Variants in ERLIN2 observed in about 807,000 individuals in gnomAD.
The protein encoded by ERLIN2 is erlin-2.
In ERLIN2, 22 loss-of-function variants were observed where a neutral mutation model predicts 41.5. That is an observed-to-expected ratio of 0.53 (90% CI 0.38 to 0.76). ERLIN2 has a LOEUF of 0.76. Among genes scored for constraint, ERLIN2 ranks in the 30% least tolerant of loss-of-function variants. The pLI is 0.00. For missense variants in ERLIN2, 247 were observed against 414.3 expected (o/e 0.60, Z 3.51); for synonymous variants, 149 against 150.9 (o/e 0.99, Z 0.09).
In ERLIN2 at chr8:37,749,864, C is replaced by T. The variant is rs199658446; in HGVS notation, c.557+12C>T. On this transcript the variant is annotated intron_variant, in intron 8 of 11. Transcript: ENST00000519638. ...AACTACGAGTTGATGTGAGTATACC[C>T]TCCGCCTGGGCTGTGACCACCACTG... The T allele has an allele frequency of 3.1e-5, 50 of 1,613,196 alleles. No individual in the cohort carries two copies. Among genetic ancestry groups the T allele is most frequent in the Non-Finnish European group, 4.1e-5 (48 of 1,179,120 alleles).
At chr8:37,749,956 T>G in intron 8 of ERLIN2, 104 bp downstream of exon 8, 1 of 1,038,096 alleles carries the variant, frequency 9.6e-7, no homozygotes, top group South Asian at 1.3e-5. Flanking sequence ...GGTTATCCCC[T>G]TGCTGGAGGA....
intron 2 of ERLIN2, among the ~76,000 whole-genome samples, chr8:37,739,918 A>C (rs1029482407): frequency 7.9e-5 from 12 of 151,556 alleles, no homozygotes; most frequent in African/African-American, 2.9e-4. Flanking sequence ...CAATTCTTAC[A>C]TCTCAGCCTC....
rs150618282 is a variant in ERLIN2, at chr8:37,757,206, C to T, written c.*3091C>T. 9.8e-5 allele frequency: 15 copies of T among 152,298 alleles called. No homozygotes were observed. In the East Asian group the frequency reaches 2.5e-3, roughly 25 times the overall value. The allele number at this position is 152,298 out of a possible 1,614,324, so 9.4% of individuals were successfully genotyped here. A position where few individuals can be genotyped will look rare whatever the true frequency, so the allele number is the denominator to read the frequency against. The stretch of plus-strand genomic sequence containing the variant: ...AAATAGTGAAAGTAAGATGGTCATA[C>T]TTACTGACTTTATCTATTTAAGTTT... On this transcript the variant is annotated 3_prime_UTR_variant, in exon 12 of 12. Transcript: ENST00000519638.
chr8:37,736,656 G>A lies in ERLIN2; in HGVS notation c.-38G>A. On this transcript the variant is annotated 5_prime_UTR_variant, in exon 1 of 12. Transcript: ENST00000519638. The stretch of plus-strand genomic sequence containing the variant: ...CTTGCTCGTGGGCTCGGACGAGTAC[G>A]GAGCGCCTGCAGGGACAGCCTGGTA... 1 of 985,718 alleles carries A rather than the reference G, an allele frequency of 1.0e-6. No individual in the cohort carries two copies. The highest frequency in any genetic ancestry group is 1.2e-6 in the Non-Finnish European group (1 of 830,084). 61.1% of individuals were successfully genotyped at this position (985,718 alleles called of 1,614,324 possible).
intron 3 of ERLIN2, among the ~76,000 whole-genome samples, chr8:37,740,963 T>C (rs1011690232): frequency 1.3e-5 from 2 of 152,188 alleles, no homozygotes; most frequent in Admixed American, 1.3e-4. Context: ...GATTTTACAC[T>C]TTACACTGAC....
At chr8:37,746,135 G>T (rs1285149825) in intron 6 of ERLIN2, 1 of 992,512 alleles carries the variant, frequency 1.0e-6, no homozygotes, top group Non-Finnish European at 1.2e-6. Flanking sequence ...TTGCTAGCAA[G>T]CACTACTTGG....
intron 1 of ERLIN2, 158 bp from the exon 2 acceptor site, chr8:37,737,750 G>A: frequency 1.3e-6 from 1 of 762,582 alleles, no homozygotes. Context: ...GACTGAGAAC[G>A]AGGAGGAAGC....
At chr8:37,740,592 TAA>T (rs1491426874) in intron 3 of ERLIN2, 146 bp downstream of exon 3, 1 of 219,932 alleles carries the variant, frequency 4.5e-6, no homozygotes, top group African/African-American at 2.4e-5. Context: ...TATATATATA[TAA>T]TATATATATA....
chr8:37,748,083 C>CT (rs1803118579), intron 6 of ERLIN2: 1 of 1,112,434 alleles, frequency 9.0e-7, no homozygotes, highest in East Asian at 2.4e-5. Context: ...CGCCTTGCGC[C>CT]TTTTCCCTGC....
At chr8:37,744,234 A>G (rs1802955717) in intron 4 of ERLIN2, 121 bp from the exon 5 acceptor site, 1 of 891,562 alleles carries the variant, frequency 1.1e-6, no homozygotes, top group African/African-American at 1.6e-5. Flanking sequence ...CTGCCTTCCA[A>G]CTTCCCGTGA....
intron 6 of ERLIN2, chr8:37,747,589 G>T: frequency 6.2e-7 from 1 of 1,612,194 alleles, no homozygotes; most frequent in Non-Finnish European, 8.5e-7. Flanking sequence ...CACCTTCTTA[G>T]GAGGCTCTTG....
chr8:37,751,456 A>AGGGGACTGT (rs1485826523), intron 9 of ERLIN2, among the ~76,000 whole-genome samples, 170 bp from the exon 10 acceptor site: 1 of 152,230 alleles, frequency 6.6e-6, no homozygotes, highest in Admixed American at 6.5e-5. Context: ...CACTGATGGA[A>AGGGGACTGT]GGGGACTGTG....
intron 10 of ERLIN2, 103 bp from the exon 11 acceptor site, chr8:37,753,347 A>G (rs1803270773): frequency 1.1e-6 from 1 of 925,618 alleles, no homozygotes; most frequent in African/African-American, 1.6e-5. Context: ...ATCAGGGGCG[A>G]AGTTCCAGGG....
chr8:37,747,274 A>C, intron 6 of ERLIN2: 2 of 806,670 alleles, frequency 2.5e-6, no homozygotes, highest in Non-Finnish European at 4.5e-6. Flanking sequence ...GTAATCAAGA[A>C]GTTACTTTGT....
At chr8:37,737,760 C>T in intron 1 of ERLIN2, 148 bp from the exon 2 acceptor site, 1 of 827,520 alleles carries the variant, frequency 1.2e-6, no homozygotes, top group South Asian at 1.6e-5. Context: ...GAGGAGGAAG[C>T]GAGTTGTAGA....
chr8:37,737,678 G>A, intron 1 of ERLIN2: 1 of 526,512 alleles, frequency 1.9e-6, no homozygotes, highest in Admixed American at 3.2e-5. Context: ...GCTGTATCCG[G>A]AGCCAGTGCT....
chr8:37,750,363 A>G (rs1563316716), intron 8 of ERLIN2, 32 bp from the exon 9 acceptor site: 2 of 1,569,602 alleles, frequency 1.3e-6, no homozygotes, highest in Admixed American at 1.7e-5. Context: ...TGAGTTTTCC[A>G]TAGCTGCCTC....
In ERLIN2 at chr8:37,741,873, C is replaced by T; in HGVS notation, c.236+55C>T. 2 of 1,410,584 alleles carry T rather than the reference C, an allele frequency of 1.4e-6. No individual in the cohort carries two copies. The highest frequency in any genetic ancestry group is 2.3e-5 in the South Asian group (2 of 86,990). The allele number at this position is 1,410,584 out of a possible 1,614,324, so 87.4% of individuals were successfully genotyped here. On this transcript the variant is annotated intron_variant, in intron 4 of 11. Transcript: ENST00000519638. The surrounding 1 kb of genome is among the most constrained non-coding windows in gnomAD (Gnocchi z 4.8). ...CCAAATAAGTCAGAGAAAAGGCTGT[C>T]TGGCTGGTTGCAGGAAGAGACAGTG...
chr8:37,750,806 C>T lies in ERLIN2; in HGVS notation c.649+320C>T, dbSNP rs143097650. 9.4e-4 allele frequency among the ~76,000 whole-genome samples: 143 copies of T among 152,208 alleles called. 1 individual carries two copies. Among genetic ancestry groups the T allele is most frequent in the African/African-American group, 3.3e-3 (137 of 41,500 alleles). ...TGGCACGATCTCAGCTTACTGCAGC[C>T]TCTGCCTCAGGTTCAAGTGATTCTC... On this transcript the variant is annotated intron_variant, in intron 9 of 11. Transcript: ENST00000519638.
Sources: allele counts gnomAD v4.1 joint callset (sites outside exome capture counted in the v4.1 genomes callset), GRCh38; gene constraint gnomAD v4.1.1; non-coding constraint Gnocchi (gnomAD v3.1); transcripts MANE v1.5; gene names NCBI Gene and HGNC (gene_info 2026-07-23, HGNC 2026-07-21).